The following THSD7B variants were observed in gnomAD, a reference collection of about 807,000 sequenced individuals.
THSD7B encodes the protein thrombospondin type-1 domain-containing protein 7B.
THSD7B carries 138 observed loss-of-function variants against 213.6 expected under a neutral mutation model. That is an observed-to-expected ratio of 0.65 (90% CI 0.56 to 0.74). The LOEUF (loss-of-function observed/expected upper bound fraction) is 0.74. Ranked by LOEUF, THSD7B falls within the 30% of genes least tolerant of loss-of-function variation. The pLI, the probability that THSD7B is intolerant of heterozygous loss-of-function variation, is 0.00. For synonymous variants in THSD7B, 742 were observed against 687.0 expected, an observed-to-expected ratio of 1.08 and a Z score of -1.25; for missense variants, 1,931 against 1,991.5, an observed-to-expected ratio of 0.97 and a Z score of 0.58.
At chr2:137,559,228 T>C (rs1371150830) in intron 15 of THSD7B, among the ~76,000 whole-genome samples, 1 of 152,096 alleles carries the variant, frequency 6.6e-6, no homozygotes. Context: ...AAAGTTCATA[T>C]GGAACCAAAA....
At chr2:137,599,687 G>A (rs529131328) in intron 17 of THSD7B, among the ~76,000 whole-genome samples, 54 of 152,138 alleles carry the variant, frequency 3.5e-4, no homozygotes, top group African/African-American at 1.1e-3. Flanking sequence ...ACATGCACAC[G>A]TATGTTTATT....
At chr2:137,671,663 C>T (rs919922512) in intron 27 of THSD7B, among the ~76,000 whole-genome samples, 1 of 152,128 alleles carries the variant, frequency 6.6e-6, no homozygotes, top group Admixed American at 6.5e-5. Context: ...ATGGGGGAAG[C>T]GATGATTCAG....
chr2:137,030,489 C>A (rs1470387725), intron 2 of THSD7B, among the ~76,000 whole-genome samples: 1 of 151,952 alleles, frequency 6.6e-6, no homozygotes, highest in Non-Finnish European at 1.5e-5. Flanking sequence ...TGAACAGACA[C>A]TTTAACGTTG....
rs184788240 is a variant in THSD7B, at chr2:137,003,790, G to A, written c.140-52630G>A. On this transcript the variant is annotated intron_variant, in intron 2 of 27. Coordinates refer to ENST00000409968, the MANE Select transcript of THSD7B (RefSeq NM_001316349.2). ...CCTCAGGTGAAAGGTATCAGTTCCA[G>A]CTTACAGGTAAAGGAAAAAGAGTCA... Among the ~76,000 whole-genome samples, 120 of 152,212 alleles carry A rather than the reference G, an allele frequency of 7.9e-4. 1 individual carries two copies. The highest frequency in any genetic ancestry group is 2.9e-3 in the African/African-American group (119 of 41,538).
At chr2:136,978,153 A>G (rs1303941982) in intron 2 of THSD7B, among the ~76,000 whole-genome samples, 1 of 151,930 alleles carries the variant, frequency 6.6e-6, no homozygotes, top group African/African-American at 2.4e-5. Context: ...GGTCTAACAA[A>G]CTGTTTGTTA....
intron 2 of THSD7B, among the ~76,000 whole-genome samples, chr2:137,025,169 C>G (rs1470490551): frequency 6.6e-6 from 1 of 152,174 alleles, no homozygotes; most frequent in Non-Finnish European, 1.5e-5. Context: ...ACAGATGGCC[C>G]TGCCTCTCTC....
chr2:136,831,148 G>C (rs376973437), intron 1 of THSD7B, among the ~76,000 whole-genome samples: 2 of 19,394 alleles, frequency 1.0e-4, no homozygotes, highest in Non-Finnish European at 2.8e-4. Context: ...TTTTTTTTTA[G>C]CCATATTCAA....
Position 137,596,954 on chromosome 2 carries a change from A to C in THSD7B, c.3424-19221A>C, listed in dbSNP as rs185590783. Among the ~76,000 whole-genome samples the C allele has an allele frequency of 8.2e-4, 125 of 152,252 alleles. 1 individual carries two copies. The East Asian group carries it at 0.019, about 23-fold the overall frequency. On this transcript the variant is annotated intron_variant, in intron 17 of 27. Transcript: ENST00000409968. The stretch of plus-strand genomic sequence containing the variant: ...TGTGTATTGCCATAAAAACAATAGA[A>C]TGTAAGGATACAACCACATGTGGTG...
At chr2:137,662,378 C>T (rs540941372) in intron 25 of THSD7B, among the ~76,000 whole-genome samples, 91 of 151,270 alleles carry the variant, frequency 6.0e-4, no homozygotes, top group African/African-American at 2.1e-3. Context: ...CCACAGCGCC[C>T]GGCCAGGTGT....
intron 15 of THSD7B, among the ~76,000 whole-genome samples, chr2:137,542,995 G>A (rs80078506): frequency 0.17 from 25,312 of 151,604 alleles, 2,251 homozygotes; most frequent in South Asian, 0.28. Context: ...AGATCAAAAC[G>A]GATCTCACAG....
intron 2 of THSD7B, among the ~76,000 whole-genome samples, chr2:136,948,007 A>G (rs879662629): frequency 6.6e-6 from 1 of 152,178 alleles, no homozygotes; most frequent in Non-Finnish European, 1.5e-5. Flanking sequence ...ACCATCAGTA[A>G]TGGCACCATC....
At chr2:136,765,963 G>A (rs1015808188) in intron 1 of THSD7B, among the ~76,000 whole-genome samples, 3 of 152,236 alleles carry the variant, frequency 2.0e-5, no homozygotes, top group Non-Finnish European at 2.9e-5. Context: ...CGCCCCACGC[G>A]GCGACCTGAG....
Position 137,160,423 on chromosome 2 carries a change from C to T in THSD7B, c.1525+55C>T, listed in dbSNP as rs368265651. On this transcript the variant is annotated intron_variant, in intron 6 of 27. Coordinates refer to ENST00000409968, the MANE Select transcript of THSD7B (RefSeq NM_001316349.2). ...TGCTGTCAGCGTACAAACATTTATTCTGGTAGCTAAGTCACTGATTAAGCC... is the reference window on the plus strand; with the variant it reads ...TGCTGTCAGCGTACAAACATTTATTTTGGTAGCTAAGTCACTGATTAAGCC... The T allele has an allele frequency of 6.1e-5, 96 of 1,584,404 alleles. 1 individual carries two copies. In the African/African-American group the frequency reaches 7.0e-4, roughly 12 times the overall value.
At chr2:137,670,189 G>A (rs144067430) in intron 27 of THSD7B, among the ~76,000 whole-genome samples, 98 of 152,002 alleles carry the variant, frequency 6.4e-4, no homozygotes, top group African/African-American at 2.2e-3. Context: ...TGGAAGTAGC[G>A]CTCATATTTG....
In THSD7B at chr2:137,488,406, A is replaced by G. The variant is rs141813086; in HGVS notation, c.3138+37383A>G. Among the ~76,000 whole-genome samples the G allele has an allele frequency of 7.9e-5, 12 of 152,324 alleles. No individual in the cohort carries two copies. In the East Asian group the frequency reaches 2.3e-3, roughly 29 times the overall value. On this transcript the variant is annotated intron_variant, in intron 15 of 27. Coordinates refer to ENST00000409968, the MANE Select transcript of THSD7B (RefSeq NM_001316349.2). ...ACATGTGTTATATTTTGAAGAATAT[A>G]TGTGTCTTTTATGAGAAAAGGCACT...
intron 17 of THSD7B, among the ~76,000 whole-genome samples, chr2:137,587,299 G>A (rs1681756097): frequency 1.3e-5 from 2 of 152,110 alleles, no homozygotes; most frequent in Non-Finnish European, 1.5e-5. Flanking sequence ...CTTTAGCTCG[G>A]AGAAGTTTCG....
intron 2 of THSD7B, among the ~76,000 whole-genome samples, chr2:136,942,992 A>G (rs1182755651): frequency 2.0e-5 from 3 of 152,222 alleles, no homozygotes; most frequent in African/African-American, 4.8e-5. Context: ...TGGCTTTGTC[A>G]TAAATAGTTC....
rs1573980193 is a variant in THSD7B, at chr2:137,356,891, C to T, written c.2501-48722C>T. ...GTGGATCAGTAATACAGTGTCAATA[C>T]CTACTTTTTCAAGCTGCTACTTTCA... On this transcript the variant is annotated intron_variant, in intron 12 of 27. Coordinates refer to ENST00000409968, the MANE Select transcript of THSD7B (RefSeq NM_001316349.2). Among the ~76,000 whole-genome samples, 6 of 151,236 alleles carry T rather than the reference C, an allele frequency of 4.0e-5. No homozygotes were observed. In the South Asian group the frequency reaches 1.0e-3, roughly 26 times the overall value.
chr2:137,625,483 A>AC (rs1054605310), intron 20 of THSD7B, among the ~76,000 whole-genome samples: 40 of 152,092 alleles, frequency 2.6e-4, no homozygotes, highest in African/African-American at 8.7e-4. Flanking sequence ...ATTAAAAAAA[A>AC]AAATAGAAAA....
Sources: gnomAD v4.1 joint callset for allele counts (sites outside exome capture counted in the v4.1 genomes callset) on GRCh38, gnomAD v4.1.1 for gene constraint, MANE v1.5 for transcripts, NCBI Gene and HGNC (gene_info 2026-07-23, HGNC 2026-07-21) for gene names.